The following DOK6 variants were observed in gnomAD, a reference collection of about 807,000 sequenced individuals.
The protein encoded by DOK6 is docking protein 6, also known as downstream of tyrosine kinase 6.
Under a neutral mutation model 44.0 loss-of-function variants are expected in DOK6, and 22 were observed. That is an observed-to-expected ratio of 0.50 (90% CI 0.36 to 0.71). The LOEUF is 0.71. Among genes scored for constraint, DOK6 ranks in the 30% least tolerant of loss-of-function variants. The probability of loss-of-function intolerance (pLI) is 0.00; values close to 1 mark genes in which losing one functional copy is unlikely to be tolerated. For missense variants in DOK6, 340 were observed against 416.4 expected (o/e 0.82, Z 1.60); for synonymous variants, 166 against 145.5 (o/e 1.14, Z -1.01).
chr18:69,804,895 G>C (rs1408240725), intron 7 of DOK6, among the ~76,000 whole-genome samples: 4 of 152,084 alleles, frequency 2.6e-5, no homozygotes, highest in African/African-American at 4.8e-5. Flanking sequence ...CTTTGACTTT[G>C]GTGACGAGTA....
At chr18:69,732,544 T>C (rs186654432) in intron 5 of DOK6, among the ~76,000 whole-genome samples, 3 of 152,036 alleles carry the variant, frequency 2.0e-5, no homozygotes, top group African/African-American at 7.2e-5. Flanking sequence ...AACTCCAGAG[T>C]GTTCAGGGAG....
At chr18:69,544,137 A>T (rs1391452456) in intron 1 of DOK6, among the ~76,000 whole-genome samples, 1 of 150,650 alleles carries the variant, frequency 6.6e-6, no homozygotes, top group Admixed American at 6.6e-5. Context: ...GTGCATCTGT[A>T]ATCACAGCTA....
At chr18:69,781,319 T>G (rs1980260089) in intron 7 of DOK6, 1 of 152,170 alleles carries the variant, frequency 6.6e-6, no homozygotes, top group Non-Finnish European at 1.5e-5. Flanking sequence ...TTGAAGAAAA[T>G]GCACCCTTGG....
intron 1 of DOK6, among the ~76,000 whole-genome samples, chr18:69,411,147 C>T (rs931061519): frequency 3.3e-5 from 5 of 152,010 alleles, no homozygotes; most frequent in African/African-American, 9.7e-5. Flanking sequence ...GCTGACAAGT[C>T]GTGAATTAAG....
chr18:69,633,156 T>C (rs1984727828), intron 3 of DOK6, among the ~76,000 whole-genome samples: 1 of 152,244 alleles, frequency 6.6e-6, no homozygotes, highest in Admixed American at 6.5e-5. Context: ...GTACATGTAA[T>C]GTCCTTGTAA....
intron 3 of DOK6, among the ~76,000 whole-genome samples, chr18:69,646,370 T>G (rs1413910216): frequency 6.6e-6 from 1 of 152,200 alleles, no homozygotes; most frequent in Non-Finnish European, 1.5e-5. Flanking sequence ...TTGAGAGTAT[T>G]TAATGCAGAC....
chr18:69,596,634 C>T (rs979668037), intron 2 of DOK6, among the ~76,000 whole-genome samples: 5 of 152,002 alleles, frequency 3.3e-5, no homozygotes, highest in African/African-American at 1.2e-4. Flanking sequence ...ATCTTGTATT[C>T]TTCAAAAAAT....
intron 7 of DOK6, among the ~76,000 whole-genome samples, chr18:69,771,121 G>A (rs564957083): frequency 4.7e-4 from 71 of 152,054 alleles, no homozygotes; most frequent in African/African-American, 1.7e-3. Flanking sequence ...TTTATAAATT[G>A]CAAAATAAAT....
intron 1 of DOK6, among the ~76,000 whole-genome samples, chr18:69,489,127 T>C (rs1742401769): frequency 6.6e-6 from 1 of 152,190 alleles, no homozygotes; most frequent in Non-Finnish European, 1.5e-5. Flanking sequence ...CTAGTTAGAT[T>C]GTTTCTAAAA....
chr18:69,815,776 T>C (rs1209121631), intron 7 of DOK6, among the ~76,000 whole-genome samples: 2 of 152,262 alleles, frequency 1.3e-5, no homozygotes, highest in Admixed American at 6.5e-5. Flanking sequence ...AGATAGTAGA[T>C]ACATACATAC....
rs148426535 is a variant in DOK6 at position 69,542,843 on chromosome 18, C to T, written c.67-21644C>T. Among the ~76,000 whole-genome samples the T allele has an allele frequency of 4.3e-3, 653 of 151,684 alleles. 22 individuals are homozygous for T. The highest frequency in any genetic ancestry group is 2.1e-3 in the Non-Finnish European group (142 of 67,768). ...GAAAAGCTTCTGTTCATACACCGAG[C>T]GTGGATTAGTTCCTAAGGCTGCAAG... On this transcript the variant is annotated intron_variant, in intron 1 of 7. Coordinates refer to ENST00000382713, the MANE Select transcript of DOK6 (RefSeq NM_152721.6).
chr18:69,466,920 G>A (rs1442003404), intron 1 of DOK6, among the ~76,000 whole-genome samples: 2 of 152,074 alleles, frequency 1.3e-5, no homozygotes, highest in East Asian at 1.9e-4. Flanking sequence ...TTGATACTGG[G>A]AGAAATAGTA....
chr18:69,436,307 G>A (rs1324498155), intron 1 of DOK6, among the ~76,000 whole-genome samples: 2 of 151,766 alleles, frequency 1.3e-5, no homozygotes, highest in Non-Finnish European at 2.9e-5. Context: ...TCCTAATGCT[G>A]TCTCTCCCCT....
intron 4 of DOK6, among the ~76,000 whole-genome samples, chr18:69,681,502 G>A (rs1986043627): frequency 6.6e-6 from 1 of 152,124 alleles, no homozygotes; most frequent in African/African-American, 2.4e-5. Flanking sequence ...ATCCCACATG[G>A]TATGGGGAAA....
chr18:69,565,824 TA>T (rs1203250805), intron 2 of DOK6, among the ~76,000 whole-genome samples: 19 of 152,218 alleles, frequency 1.2e-4, no homozygotes, highest in African/African-American at 4.6e-4. Context: ...TATGATGTCA[TA>T]AACAGCCAGC....
At chr18:69,459,166 G>T (rs1381670686) in intron 1 of DOK6, among the ~76,000 whole-genome samples, 2 of 119,118 alleles carry the variant, frequency 1.7e-5, no homozygotes, top group Non-Finnish European at 3.3e-5. Flanking sequence ...AAGGAGGTGA[G>T]AAATCTCAAA....
At chr18:69,414,744 G>A (rs1306750673) in intron 1 of DOK6, among the ~76,000 whole-genome samples, 1 of 152,050 alleles carries the variant, frequency 6.6e-6, no homozygotes, top group African/African-American at 2.4e-5. Flanking sequence ...TGGATAAAGA[G>A]CATGCAGGGT....
chr18:69,753,103 G>A (rs1335626197), intron 6 of DOK6, among the ~76,000 whole-genome samples: 1 of 152,186 alleles, frequency 6.6e-6, no homozygotes, highest in African/African-American at 2.4e-5. Context: ...CCTTTTCAAT[G>A]AAATGTGTTC....
At chr18:69,513,801 G>A (rs1281319073) in intron 1 of DOK6, among the ~76,000 whole-genome samples, 1 of 152,072 alleles carries the variant, frequency 6.6e-6, no homozygotes, top group Non-Finnish European at 1.5e-5. Context: ...ATGCTTCTTG[G>A]TGTTATAAAA....
Sources: gnomAD v4.1 joint callset for allele counts (sites outside exome capture counted in the v4.1 genomes callset) on GRCh38, gnomAD v4.1.1 for gene constraint, MANE v1.5 for transcripts, NCBI Gene and HGNC (gene_info 2026-07-23, HGNC 2026-07-21) for gene names.